The following AP3B2 variants were observed in gnomAD, a reference collection of about 807,000 sequenced individuals.
AP3B2 encodes the protein AP-3 complex subunit beta-2.
Under a neutral mutation model 126.9 loss-of-function variants are expected in AP3B2, and 50 were observed. That is an observed-to-expected ratio of 0.39 (90% confidence interval 0.31 to 0.50). The LOEUF (loss-of-function observed/expected upper bound fraction) is 0.50, where lower values mean the gene tolerates loss of function less well. Ranked by LOEUF, AP3B2 falls within the 20% of genes least tolerant of loss-of-function variation. The pLI, the probability that AP3B2 is intolerant of heterozygous loss-of-function variation, is 0.79. For missense variants in AP3B2, 1,177 were observed against 1,426.4 expected (o/e 0.83, Z 2.82); for synonymous variants, 541 against 565.0 (o/e 0.96, Z 0.60).
At chr15:82,690,970 G>T (rs919476670) in intron 1 of AP3B2, among the ~76,000 whole-genome samples, 2 of 89,832 alleles carry the variant, frequency 2.2e-5, no homozygotes, top group Non-Finnish European at 2.7e-5. Context: ...ATGAGCCACC[G>T]CACCCAGCCA....
chr15:82,678,246 A>C, intron 10 of AP3B2, 79 bp from the exon 11 acceptor site: 1 of 1,348,646 alleles, frequency 7.4e-7, no homozygotes, highest in Non-Finnish European at 1.1e-6. Flanking sequence ...AATACACTTC[A>C]TAGACCAGAA....
chr15:82,664,696 G>A lies in AP3B2; in HGVS notation c.2137+139C>T. On this transcript the variant is annotated intron_variant, in intron 18 of 26. Coordinates refer to ENST00000535359, the MANE Select transcript of AP3B2 (RefSeq NM_001278512.2). The surrounding 1 kb of genome is among the most constrained non-coding windows in gnomAD (Gnocchi z 4.5). ...GCACAAGCACACACACCTGGAACAT[G>A]AATCCCTCAGGTGCACAAACAATTC... is the stretch of plus-strand genomic sequence containing the variant. The A allele has an allele frequency of 1.1e-6, 1 of 895,428 alleles. No homozygotes were observed. Among genetic ancestry groups the A allele is most frequent in the Middle Eastern group, 2.4e-4 (1 of 4,102 alleles). The allele number at this position is 895,428 out of a possible 1,614,324, so 55.5% of individuals were successfully genotyped here.
intron 24 of AP3B2, 41 bp from the exon 25 acceptor site, chr15:82,661,963 C>A: frequency 6.4e-7 from 1 of 1,558,684 alleles, no homozygotes; most frequent in South Asian, 1.1e-5. Context: ...TTAAGGCTGT[C>A]ATCTCTCCCC....
At chr15:82,691,615 A>T in intron 1 of AP3B2, 2 of 903,970 alleles carry the variant, frequency 2.2e-6, no homozygotes, top group Non-Finnish European at 3.0e-6. Context: ...AAAAAAAAAA[A>T]TTAAAATAAT....
At chr15:82,691,262 C>G (rs1455605514) in intron 1 of AP3B2, among the ~76,000 whole-genome samples, 1 of 152,228 alleles carries the variant, frequency 6.6e-6, no homozygotes. Context: ...CACATCCTCT[C>G]CAGCACCTGT....
chr15:82,689,236 G>C lies in AP3B2; in HGVS notation c.190-4C>G. 1 of 1,614,056 alleles carries C rather than the reference G, an allele frequency of 6.2e-7. No homozygotes were observed. The highest frequency in any genetic ancestry group is 8.5e-7 in the Non-Finnish European group (1 of 1,179,904). On this transcript the variant is annotated splice_region_variant and splice_polypyrimidine_tract_variant and intron_variant, in intron 2 of 26. Transcript: ENST00000535359. ...CATTCTTTCCTCGGGCAATCATCTG[G>C]GTGGTGGGGTCAAGGTAGGGGAAGA...
At position 82,663,232 on chromosome 15, in the gene AP3B2, G is replaced by A. The variant is rs2151428074; in HGVS notation, c.2499C>T (p.Phe833=). The A allele has an allele frequency of 6.2e-7, 1 of 1,610,716 alleles. No individual in the cohort carries two copies. Among genetic ancestry groups the A allele is most frequent in the Admixed American group, 1.7e-5 (1 of 59,832 alleles). The change falls in exon 22 of 27, where the codon TTC becomes TTT. Residue 833 remains phenylalanine, a splice_region_variant and synonymous_variant. Transcript: ENST00000535359. ...ACACAGGCTGGACACTGGGAGGGGTGACTGTGGGAGTAGATAAGACTATGA... is the reference window on the plus strand; with the variant it reads ...ACACAGGCTGGACACTGGGAGGGGTAACTGTGGGAGTAGATAAGACTATGA... ...KEISLLDLED[F]TPPSVQPVSP... is the part of the protein sequence containing the mutation.
At chr15:82,662,426 AC>A (rs1204526856) in intron 23 of AP3B2, 174 bp from the exon 24 acceptor site, 36 of 658,768 alleles carry the variant, frequency 5.5e-5, no homozygotes, top group South Asian at 2.5e-4. Context: ...AACTCTAAGC[AC>A]CCTTTCCCCC....
Position 82,663,136 on chromosome 15 carries a change from C to T in AP3B2, c.2595G>A (p.Leu865=). The T allele has an allele frequency of 1.9e-6, 3 of 1,610,772 alleles. No homozygotes were observed. The highest frequency in any genetic ancestry group is 2.5e-6 in the Non-Finnish European group (3 of 1,179,036). Residue 865 remains leucine, a synonymous_variant, in exon 22 of 27, where the codon CTG becomes CTA. Coordinates refer to ENST00000535359, the MANE Select transcript of AP3B2 (RefSeq NM_001278512.2). ...CCTCCATCCCACTCACCGACGGTAC[C>T]AGGGTGGAGTCTGTGAGTGTCAGGC... ...LEGLTLTDST[L]VPSLLSPVSG...
Position 82,677,341 on chromosome 15 carries a change from AG to A in AP3B2, c.1420del (p.Leu474TyrfsTer50). On this transcript the variant is annotated frameshift_variant, in exon 13 of 27. Coordinates refer to ENST00000535359, the MANE Select transcript of AP3B2 (RefSeq NM_001278512.2). LOFTEE classifies it high-confidence loss of function. ...TCCATGTTGTGCTGGCTGCATCTGT[AG>A]CAATTTCTTAATGACGACCACTGAC... ...AESVVVIKKL[L>X]QMQPAQHGEI... 3 of 1,613,968 alleles carry A rather than the reference AG, an allele frequency of 1.9e-6. No homozygotes were observed. The highest frequency in any genetic ancestry group is 2.5e-6 in the Non-Finnish European group (3 of 1,179,896).
Position 82,665,408 on chromosome 15 carries a change from C to CTCTTCA in AP3B2, c.1971+48_1971+49insTGAAGA. On this transcript the variant is annotated intron_variant, in intron 16 of 26. Coordinates refer to ENST00000535359, the MANE Select transcript of AP3B2 (RefSeq NM_001278512.2). This position sits in a 1 kb window ranked among gnomAD's most constrained non-coding sequence, Gnocchi z 4.4. ...ACACACACACACACACACACACACA[C>CTCTTCA]ACACACACACACACACACACACACA... The CTCTTCA allele has an allele frequency of 2.0e-5, 16 of 819,568 alleles. No individual in the cohort carries two copies. In the South Asian group the frequency reaches 2.3e-4, roughly 12 times the overall value. The allele number at this position is 819,568 out of a possible 1,614,324, so 50.8% of individuals were successfully genotyped here. A position where few individuals can be genotyped will look rare whatever the true frequency, so the allele number is the denominator to read the frequency against.
intron 14 of AP3B2, among the ~76,000 whole-genome samples, chr15:82,668,584 C>A (rs2048096871): frequency 6.6e-6 from 1 of 152,224 alleles, no homozygotes; most frequent in Non-Finnish European, 1.5e-5. Context: ...ATCCATCTGT[C>A]CACAGCCTTA....
In AP3B2 at chr15:82,709,698, G is replaced by C; in HGVS notation, c.9C>G (p.Ala3=). Residue 3 remains alanine, a synonymous_variant, in exon 1 of 27, where the codon GCC becomes GCG. Transcript: ENST00000535359. ...CCTTGTCTTCGCTGTAGGCGGGGGCGGCCGACATGGGGCGGCCAGGGAGAC... is the reference window on the plus strand; with the variant it reads ...CCTTGTCTTCGCTGTAGGCGGGGGCCGCCGACATGGGGCGGCCAGGGAGAC... MS[A]APAYSEDKGG... The C allele has an allele frequency of 6.7e-7, 1 of 1,486,534 alleles. No individual in the cohort carries two copies. Among genetic ancestry groups the C allele is most frequent in the Non-Finnish European group, 8.9e-7 (1 of 1,118,874 alleles). 92.1% of individuals were successfully genotyped at this position (1,486,534 alleles called of 1,614,324 possible). A position where few individuals can be genotyped will look rare whatever the true frequency, so the allele number is the denominator to read the frequency against.
intron 25 of AP3B2, 77 bp downstream of exon 25, chr15:82,661,748 C>G: frequency 8.0e-7 from 1 of 1,246,748 alleles, no homozygotes; most frequent in Non-Finnish European, 1.1e-6. Flanking sequence ...CACCACCATT[C>G]TCCCTACCAT....
chr15:82,666,356 A>G (rs2048057710), intron 15 of AP3B2, among the ~76,000 whole-genome samples: 1 of 152,254 alleles, frequency 6.6e-6, no homozygotes, highest in South Asian at 2.1e-4. Context: ...CTGCTTTCTC[A>G]GGACCTTTAT....
intron 14 of AP3B2, among the ~76,000 whole-genome samples, chr15:82,673,080 C>T (rs1021095196): frequency 3.3e-5 from 5 of 152,180 alleles, no homozygotes; most frequent in African/African-American, 1.2e-4. Context: ...CCTGAATTCT[C>T]GACCCATAGA....
intron 4 of AP3B2, among the ~76,000 whole-genome samples, chr15:82,683,530 A>T (rs11638815): frequency 3.9e-5 from 6 of 152,168 alleles, no homozygotes; most frequent in South Asian, 4.2e-4. Flanking sequence ...CCTCCACTGA[A>T]GTAGTGAACC....
Position 82,692,149 on chromosome 15 carries a change from G to T in AP3B2, c.114-2696C>A, listed in dbSNP as rs1046058479. On this transcript the variant is annotated intron_variant, in intron 1 of 26. Coordinates refer to ENST00000535359, the MANE Select transcript of AP3B2 (RefSeq NM_001278512.2). ...GAGAACTCCACACGAAGCCGACACT[G>T]GCCATAATCATAACTATTTCTTCCA... The T allele has an allele frequency of 5.4e-6, 8 of 1,491,404 alleles. No homozygotes were observed. In the African/African-American group the frequency reaches 1.1e-4, roughly 21 times the overall value. 92.4% of individuals were successfully genotyped at this position (1,491,404 alleles called of 1,614,324 possible).
chr15:82,673,299 C>T (rs2151436070), intron 14 of AP3B2, among the ~76,000 whole-genome samples: 1 of 152,278 alleles, frequency 6.6e-6, no homozygotes, highest in South Asian at 2.1e-4. Context: ...ACTGTAACCT[C>T]CACCTCCTGG....
Sources: gnomAD v4.1 joint callset for allele counts (sites outside exome capture counted in the v4.1 genomes callset) on GRCh38, gnomAD v4.1.1 for gene constraint, Gnocchi (gnomAD v3.1) non-coding constraint, MANE v1.5 for transcripts, NCBI Gene and HGNC (gene_info 2026-07-23, HGNC 2026-07-21) for gene names.